The following KCNC2 variants were observed in gnomAD, a reference collection of about 807,000 sequenced individuals.
KCNC2 encodes the protein voltage-gated potassium channel KCNC2.
A neutral mutation model predicts 44.5 loss-of-function variants in KCNC2; 21 were observed. The observed-to-expected ratio is 0.47, with a 90% CI of 0.33 to 0.68. The LOEUF is 0.68. KCNC2 is among the 30% of genes least tolerant of loss of function. KCNC2 has a pLI of 0.01. For missense variants in KCNC2, 589 were observed against 826.2 expected (o/e 0.71, Z 3.52); for synonymous variants, 391 against 339.1 (o/e 1.15, Z -1.68).
intron 2 of KCNC2, among the ~76,000 whole-genome samples, chr12:75,107,696 G>A (rs1389032391): frequency 1.5e-5 from 2 of 137,218 alleles, no homozygotes; most frequent in Non-Finnish European, 3.1e-5. Context: ...TAAAAGGAAT[G>A]TGGTGATGGC....
chr12:75,045,554 A>G (rs1880395994), intron 4 of KCNC2, among the ~76,000 whole-genome samples: 1 of 151,882 alleles, frequency 6.6e-6, no homozygotes, highest in African/African-American at 2.4e-5. Flanking sequence ...TCAAGGTTTT[A>G]CTCGAATGGC....
intron 2 of KCNC2, among the ~76,000 whole-genome samples, chr12:75,054,842 G>C (rs541578818): frequency 6.6e-6 from 1 of 152,278 alleles, no homozygotes; most frequent in South Asian, 2.1e-4. Context: ...CAAATGAATG[G>C]GTGACCCAGT....
intron 2 of KCNC2, among the ~76,000 whole-genome samples, chr12:75,163,261 A>AT (rs1285484996): frequency 2.2e-4 from 33 of 151,798 alleles, no homozygotes; most frequent in African/African-American, 8.0e-4. Flanking sequence ...AATCTCTGTC[A>AT]TTTTTTGTGT....
At chr12:75,201,047 A>T (rs2137780375) in intron 2 of KCNC2, among the ~76,000 whole-genome samples, 1 of 151,564 alleles carries the variant, frequency 6.6e-6, no homozygotes, top group African/African-American at 2.4e-5. Context: ...CCTGCACTGA[A>T]TCTTAGACCT....
intron 2 of KCNC2, among the ~76,000 whole-genome samples, chr12:75,060,203 A>C (rs1364811423): frequency 6.6e-6 from 1 of 152,082 alleles, no homozygotes; most frequent in Non-Finnish European, 1.5e-5. Context: ...TGGTACCAAG[A>C]ATCCTTTTTC....
At chr12:75,056,265 A>G (rs902593380) in intron 2 of KCNC2, among the ~76,000 whole-genome samples, 1 of 152,022 alleles carries the variant, frequency 6.6e-6, no homozygotes, top group Non-Finnish European at 1.5e-5. Context: ...TCATCCTCCT[A>G]TTATTTACAA....
At chr12:75,089,772 A>G (rs1292598021) in intron 2 of KCNC2, among the ~76,000 whole-genome samples, 1 of 151,896 alleles carries the variant, frequency 6.6e-6, no homozygotes, top group Non-Finnish European at 1.5e-5. Flanking sequence ...TTAGCTATAG[A>G]AACTATTTAA....
intron 2 of KCNC2, among the ~76,000 whole-genome samples, chr12:75,113,407 A>C (rs142073943): frequency 1.3e-5 from 2 of 152,308 alleles, no homozygotes; most frequent in East Asian, 3.9e-4. Context: ...GACCATTAGA[A>C]CTTTAAAACC....
At chr12:75,206,921 A>G (rs1189859386) in intron 2 of KCNC2, among the ~76,000 whole-genome samples, 2 of 152,250 alleles carry the variant, frequency 1.3e-5, no homozygotes, top group Non-Finnish European at 1.5e-5. Flanking sequence ...GGAGGCCAGA[A>G]GAGAGATCTG....
At chr12:75,149,052 A>G (rs1052262061) in intron 2 of KCNC2, among the ~76,000 whole-genome samples, 1 of 151,692 alleles carries the variant, frequency 6.6e-6, no homozygotes, top group Non-Finnish European at 1.5e-5. Context: ...TCATCTTATC[A>G]CTATCTACCA....
At chr12:75,122,605 G>C (rs1005409700) in intron 2 of KCNC2, among the ~76,000 whole-genome samples, 3 of 152,070 alleles carry the variant, frequency 2.0e-5, no homozygotes, top group Admixed American at 1.3e-4. Flanking sequence ...TCATGTCAAA[G>C]CATATGAAAA....
chr12:75,052,563 A>G (rs1434571596), intron 2 of KCNC2, among the ~76,000 whole-genome samples: 1 of 152,124 alleles, frequency 6.6e-6, no homozygotes, highest in East Asian at 1.9e-4. Flanking sequence ...TGTCTAAACA[A>G]AAGAGTCATT....
chr12:75,062,775 T>C (rs1369279118), intron 2 of KCNC2, among the ~76,000 whole-genome samples: 1 of 152,034 alleles, frequency 6.6e-6, no homozygotes, highest in African/African-American at 2.4e-5. Flanking sequence ...GGAAAGCTAT[T>C]AAATATTTAA....
intron 2 of KCNC2, among the ~76,000 whole-genome samples, chr12:75,175,251 T>C (rs1429735722): frequency 6.6e-6 from 1 of 151,988 alleles, no homozygotes; most frequent in Non-Finnish European, 1.5e-5. Flanking sequence ...GTCTGCTTTA[T>C]CTAAAAAAAA....
At chr12:75,047,957 T>G (rs551850447) in intron 4 of KCNC2, among the ~76,000 whole-genome samples, 196 bp downstream of exon 4, 1 of 152,194 alleles carries the variant, frequency 6.6e-6, no homozygotes, top group South Asian at 2.1e-4. Context: ...TGAGATGTCT[T>G]TCAGATATGA....
At chr12:75,146,491 T>C (rs1479059113) in intron 2 of KCNC2, among the ~76,000 whole-genome samples, 1 of 152,228 alleles carries the variant, frequency 6.6e-6, no homozygotes, top group African/African-American at 2.4e-5. Context: ...TTTATTAATT[T>C]TAACTGCTGT....
At chr12:75,074,754 T>C (rs149116654) in intron 2 of KCNC2, among the ~76,000 whole-genome samples, 2 of 152,336 alleles carry the variant, frequency 1.3e-5, no homozygotes, top group African/African-American at 4.8e-5. Flanking sequence ...GATACTGAGA[T>C]GGCAAAGATG....
At chr12:75,193,544 G>A (rs943165210) in intron 2 of KCNC2, among the ~76,000 whole-genome samples, 1 of 152,054 alleles carries the variant, frequency 6.6e-6, no homozygotes, top group Non-Finnish European at 1.5e-5. Flanking sequence ...AAATAGAGTA[G>A]GGAATCAACA....
chr12:75,107,079 C>T (rs537722158), intron 2 of KCNC2, among the ~76,000 whole-genome samples: 1 of 151,800 alleles, frequency 6.6e-6, no homozygotes, highest in Non-Finnish European at 1.5e-5. Flanking sequence ...CTGAGGGGGG[C>T]AGATCATGAG....
Sources: allele counts gnomAD v4.1 joint callset (sites outside exome capture counted in the v4.1 genomes callset), GRCh38; gene constraint gnomAD v4.1.1; transcripts MANE v1.5; gene names NCBI Gene and HGNC (gene_info 2026-07-23, HGNC 2026-07-21).